Variants in MYO5C observed in about 807,000 individuals in gnomAD.
The protein encoded by MYO5C is myosin VC, also known as unconventional myosin-Vc.
A neutral mutation model predicts 235.7 loss-of-function variants in MYO5C; 194 were observed. The observed-to-expected ratio is 0.82, with a 90% CI of 0.73 to 0.93. MYO5C has a LOEUF of 0.93. Among genes scored for constraint, MYO5C ranks in the 40% least tolerant of loss-of-function variants. The pLI, the probability that MYO5C is intolerant of heterozygous loss-of-function variation, is 0.00. For missense variants in MYO5C, 2,038 were observed against 2,127.2 expected, an observed-to-expected ratio of 0.96 and a Z score of 0.82; for synonymous variants, 707 against 754.8, an observed-to-expected ratio of 0.94 and a Z score of 1.04.
chr15:52,242,188 T>C lies in MYO5C; in HGVS notation c.2416A>G (p.Lys806Glu). Residue 806 changes from lysine to glutamate, a missense_variant, in exon 20 of 41, where the codon AAA becomes GAA. Physicochemically the swap from Lys to Glu is moderately conservative, Grantham distance 56. Coordinates refer to ENST00000261839, the MANE Select transcript of MYO5C (RefSeq NM_018728.4). ...ATGATTATGGCTGCCCAAGCTTCTT[T>C]TAAGGCCACTGCAGTAATAGCTTTC... Reference protein sequence around the residue: ...VRKAITAVALKEAWAAIIIQK... With the variant: ...VRKAITAVALEEAWAAIIIQK... 1.9e-6 allele frequency: 3 copies of C among 1,613,698 alleles called. No homozygotes were observed. The highest frequency in any genetic ancestry group is 2.2e-5 in the South Asian group (2 of 91,016).
intron 19 of MYO5C, chr15:52,242,537 G>A (rs1206582892): frequency 2.8e-5 from 6 of 217,306 alleles, no homozygotes; most frequent in Non-Finnish European, 5.6e-5. Flanking sequence ...TATCCCCCAC[G>A]GCTGCTTTCA....
chr15:52,269,650 C>T (rs1166112310), intron 8 of MYO5C, 103 bp downstream of exon 8: 2 of 731,800 alleles, frequency 2.7e-6, no homozygotes, highest in Non-Finnish European at 4.6e-6. Context: ...CTCAGCCTCC[C>T]AAAGTGTTGG....
chr15:52,248,973 C>T (rs1016555938), intron 13 of MYO5C, among the ~76,000 whole-genome samples, 190 bp from the exon 14 acceptor site: 25 of 152,178 alleles, frequency 1.6e-4, no homozygotes, highest in Admixed American at 1.2e-3. Context: ...GTCTTCTCTC[C>T]CACCACCTGG....
intron 8 of MYO5C, among the ~76,000 whole-genome samples, chr15:52,267,333 C>A (rs1479723177): frequency 6.6e-6 from 1 of 152,232 alleles, no homozygotes; most frequent in Non-Finnish European, 1.5e-5. Flanking sequence ...GGGACTTTTA[C>A]ATATGCTTCC....
In MYO5C at chr15:52,269,814, G is replaced by T. The variant is rs770291048; in HGVS notation, c.879C>A (p.Val293=). The change falls in exon 8 of 41, where the codon GTC becomes GTA. Residue 293 remains valine (V), a synonymous_variant. Transcript: ENST00000261839. ...CAGCTCGATCATTCACACCCTCAAT[G>T]ACAGTATTGCCTCCCATTCTTGTAT... ...FNYTRMGGNT[V]IEGVNDRAEM... The T allele has an allele frequency of 3.1e-6, 5 of 1,613,508 alleles. No individual in the cohort carries two copies. Among genetic ancestry groups the T allele is most frequent in the Non-Finnish European group, 4.2e-6 (5 of 1,179,758 alleles).
At position 52,247,512 on chromosome 15, in the gene MYO5C, T is replaced by C; in HGVS notation, c.1827A>G (p.Ala609=). 6 of 1,614,200 alleles carry C rather than the reference T, an allele frequency of 3.7e-6. No individual in the cohort carries two copies. The highest frequency in any genetic ancestry group is 3.4e-6 in the Non-Finnish European group (4 of 1,180,022). ...PFGSMITVKS[A]KQVIKPNSKH... ...TGCTGTTTGGCTTGATGACTTGCTT[T>C]GCAGATTTAACTGTAATCATTGAAC... Residue 609 remains alanine (A), a synonymous_variant, in exon 15 of 41, where the codon GCA becomes GCG. Coordinates refer to ENST00000261839, the MANE Select transcript of MYO5C (RefSeq NM_018728.4).
chr15:52,205,215 C>G (rs2035283431), intron 37 of MYO5C, 68 bp from the exon 38 acceptor site: 2 of 1,542,826 alleles, frequency 1.3e-6, no homozygotes, highest in Admixed American at 1.8e-5. Flanking sequence ...CGACGCTCTT[C>G]GGTTTGTTTC....
intron 30 of MYO5C, among the ~76,000 whole-genome samples, 167 bp from the exon 31 acceptor site, chr15:52,219,989 TACACTA>T (rs931850382): frequency 6.6e-6 from 1 of 152,156 alleles, no homozygotes; most frequent in Non-Finnish European, 1.5e-5. Flanking sequence ...ACATATAAAA[TACACTA>T]ACACTAACAA....
At chr15:52,276,186 C>A (rs904658243) in intron 4 of MYO5C, among the ~76,000 whole-genome samples, 1 of 152,300 alleles carries the variant, frequency 6.6e-6, no homozygotes, top group East Asian at 1.9e-4. Context: ...GCCCCAAGAC[C>A]AACCTCAGGT....
chr15:52,244,513 C>A lies in MYO5C; in HGVS notation c.2233G>T (p.Val745Leu), dbSNP rs776741292. ...AATCGAAGTTTCTCTAAATAAGCCA[C>A]TTGTCCTGCTCTGAAGAAAATTTTG... The part of the protein sequence containing the change: ...KTKIFFRAGQ[V>L]AYLEKLRLDK... Residue 745 changes from valine (V) to leucine (L), a missense_variant, in exon 19 of 41, where the codon GTG becomes TTG. Val to Leu is a conservative substitution (Grantham distance 32). Coordinates refer to ENST00000261839, the MANE Select transcript of MYO5C (RefSeq NM_018728.4). 2 of 1,614,174 alleles carry A rather than the reference C, an allele frequency of 1.2e-6. No individual in the cohort carries two copies. Among genetic ancestry groups the A allele is most frequent in the Non-Finnish European group, 1.7e-6 (2 of 1,180,040 alleles).
At position 52,253,405 on chromosome 15, in the gene MYO5C, G is replaced by A. The variant is rs762003225; in HGVS notation, c.1448C>T (p.Thr483Met). The change falls in exon 12 of 41, where the codon ACG becomes ATG. Residue 483 changes from threonine to methionine, a missense_variant. Physicochemically the swap from Thr to Met is moderately conservative, Grantham distance 81. Transcript: ENST00000261839. ...TTGATTGTCATAAAAATCTATCAGCGTCCAAGGTATATCTTCCTTCATGTA... is the reference window on the plus strand; with the variant it reads ...TTGATTGTCATAAAAATCTATCAGCATCCAAGGTATATCTTCCTTCATGTA... ...EEYMKEDIPWTLIDFYDNQPV... is the reference protein window; with the variant it reads ...EEYMKEDIPWMLIDFYDNQPV... The A allele has an allele frequency of 8.1e-6, 13 of 1,613,746 alleles. No homozygotes were observed. The highest frequency in any genetic ancestry group is 1.7e-4 in the Middle Eastern group (1 of 6,056).
intron 36 of MYO5C, 72 bp from the exon 37 acceptor site, chr15:52,206,038 A>C: frequency 1.1e-6 from 1 of 941,086 alleles, no homozygotes; most frequent in East Asian, 2.8e-5. Flanking sequence ...AGCTACTATA[A>C]CTCTTTTACC....
Position 52,218,572 on chromosome 15 carries a change from C to A in MYO5C, c.3901G>T (p.Glu1301Ter). ...TCCTGCCGGAAGTTACACTTGACTT[C>A]ACTTTCAGTTTCAAATTGTTTCTTC... ...HLKKQFETES[E>*]VKCNFRQEAS... Residue 1301 changes from glutamate to a stop codon, truncating the protein, a stop_gained, in exon 32 of 41, where the codon GAA (glutamate) becomes TAA (stop). Coordinates refer to ENST00000261839, the MANE Select transcript of MYO5C (RefSeq NM_018728.4). LOFTEE classifies it high-confidence loss of function. 6.2e-7 allele frequency: 1 copy of A among 1,614,234 alleles called. No individual in the cohort carries two copies. Among genetic ancestry groups the A allele is most frequent in the Admixed American group, 1.7e-5 (1 of 60,026 alleles).
Position 52,193,975 on chromosome 15 carries a change from G to T in MYO5C, c.5156C>A (p.Thr1719Asn). The change falls in exon 41 of 41, where the codon ACC becomes AAC. Residue 1719 changes from threonine (T) to asparagine (N), a missense_variant. By Grantham distance (65) the Thr-to-Asn change is moderately conservative. Transcript: ENST00000261839. ...KYLFQVTFPFTPSPHALEMIQ... is the reference protein window; with the variant it reads ...KYLFQVTFPFNPSPHALEMIQ... ...CATTTCCAGAGCATGTGGAGAGGGG[G>T]TAAAAGGAAATGTGACTTGAAAGAG... 1 of 1,613,726 alleles carries T rather than the reference G, an allele frequency of 6.2e-7. No homozygotes were observed. Among genetic ancestry groups the T allele is most frequent in the Non-Finnish European group, 8.5e-7 (1 of 1,179,866 alleles).
At chr15:52,262,626 C>T (rs2036721049) in intron 9 of MYO5C, among the ~76,000 whole-genome samples, 1 of 152,174 alleles carries the variant, frequency 6.6e-6, no homozygotes, top group African/African-American at 2.4e-5. Context: ...GGGATGGACG[C>T]TGAGGTGAAA....
At chr15:52,292,525 AC>A (rs1286132886) in intron 1 of MYO5C, among the ~76,000 whole-genome samples, 2 of 152,246 alleles carry the variant, frequency 1.3e-5, no homozygotes, top group Non-Finnish European at 2.9e-5. Flanking sequence ...GAGAGGCGGC[AC>A]ATGAAACTCT....
chr15:52,224,848 G>T (rs1356592101), intron 28 of MYO5C, 53 bp downstream of exon 28: 19 of 1,475,960 alleles, frequency 1.3e-5, no homozygotes, highest in Non-Finnish European at 1.4e-5. Flanking sequence ...CTTTCCAATA[G>T]TCTATTTATT....
At chr15:52,257,129 G>A (rs1388669357) in intron 10 of MYO5C, among the ~76,000 whole-genome samples, 1 of 152,260 alleles carries the variant, frequency 6.6e-6, no homozygotes, top group Admixed American at 6.5e-5. Context: ...TGTGATGCCT[G>A]TGCCTCCAAT....
At position 52,251,383 on chromosome 15, in the gene MYO5C, A is replaced by T. The variant is rs1345655326; in HGVS notation, c.1662+7T>A. ...GTTGACAGCATTGATGGAGACCTTC[A>T]CGGTACCTTATCAGCAAAGTGCTGG... On this transcript the variant is annotated splice_region_variant and intron_variant, in intron 13 of 40. Coordinates refer to ENST00000261839, the MANE Select transcript of MYO5C (RefSeq NM_018728.4). 6.3e-7 allele frequency: 1 copy of T among 1,592,614 alleles called. No homozygotes were observed. The highest frequency in any genetic ancestry group is 8.6e-7 in the Non-Finnish European group (1 of 1,167,726).
Sources: gnomAD v4.1 joint callset for allele counts (sites outside exome capture counted in the v4.1 genomes callset) on GRCh38, gnomAD v4.1.1 for gene constraint, MANE v1.5 for transcripts, NCBI Gene and HGNC (gene_info 2026-07-23, HGNC 2026-07-21) for gene names.